FNIP2: variants seen among roughly 807,000 people sequenced by gnomAD.
FNIP2 encodes the protein folliculin interacting protein 2, also known as folliculin-interacting protein 2.
In FNIP2, 32 loss-of-function variants were observed where a neutral mutation model predicts 108.7. The ratio of observed to expected loss-of-function variants is 0.29; its 90% CI spans 0.22 to 0.40. The LOEUF (loss-of-function observed/expected upper bound fraction) is 0.40. Ranked by LOEUF, FNIP2 falls within the 10% of genes least tolerant of loss-of-function variation. The pLI is 1.00. For missense variants in FNIP2, 1,202 were observed against 1,381.6 expected (o/e 0.87, Z 2.06); for synonymous variants, 480 against 496.7 (o/e 0.97, Z 0.45).
intron 1 of FNIP2, among the ~76,000 whole-genome samples, chr4:158,769,784 T>C (rs1477141092): frequency 6.6e-6 from 1 of 152,238 alleles, no homozygotes; most frequent in Non-Finnish European, 1.5e-5. Flanking sequence ...ATCTTTCTTC[T>C]TTCTTGCCAT....
chr4:158,792,677 C>G (rs531005044), intron 1 of FNIP2, among the ~76,000 whole-genome samples: 30 of 152,328 alleles, frequency 2.0e-4, no homozygotes, highest in African/African-American at 7.0e-4. Context: ...GAACCTAACC[C>G]TTTATTTCCC....
chr4:158,853,045 A>T (rs1158755072), intron 8 of FNIP2, among the ~76,000 whole-genome samples: 1 of 152,226 alleles, frequency 6.6e-6, no homozygotes, highest in Non-Finnish European at 1.5e-5. Context: ...AGAATACTTT[A>T]TATGTAAGAT....
intron 7 of FNIP2, among the ~76,000 whole-genome samples, chr4:158,847,838 G>A (rs969109216): frequency 6.6e-6 from 1 of 152,328 alleles, no homozygotes; most frequent in Admixed American, 6.5e-5. Context: ...TGGGCGTTAA[G>A]TGAACATCAC....
chr4:158,858,489 T>C lies in FNIP2; in HGVS notation c.858-568T>C, dbSNP rs1461766477. On this transcript the variant is annotated intron_variant, in intron 8 of 16. Coordinates refer to ENST00000264433, the MANE Select transcript of FNIP2 (RefSeq NM_020840.3). ...GAGTCTCTCAAAAGAATCAGGTTTT[T>C]TGAAAATTTTACTGTAGCAGAAGAG... Among the ~76,000 whole-genome samples the C allele has an allele frequency of 2.0e-5, 3 of 152,218 alleles. No individual in the cohort carries two copies. The South Asian group carries it at 6.2e-4, about 32-fold the overall frequency.
At chr4:158,836,626 C>A (rs1170980624) in intron 7 of FNIP2, 1 of 148,140 alleles carries the variant, frequency 6.8e-6, no homozygotes, top group Non-Finnish European at 1.5e-5. Flanking sequence ...TGGCGAAACT[C>A]CATCTCTACT....
At chr4:158,855,124 G>A (rs1389589243) in intron 8 of FNIP2, among the ~76,000 whole-genome samples, 1 of 152,110 alleles carries the variant, frequency 6.6e-6, no homozygotes, top group Non-Finnish European at 1.5e-5. Flanking sequence ...TTGAGCCCCT[G>A]TCCTTCAGTT....
chr4:158,877,657 G>A (rs1318920201), intron 14 of FNIP2, among the ~76,000 whole-genome samples: 2 of 152,224 alleles, frequency 1.3e-5, no homozygotes, highest in Admixed American at 6.5e-5. Flanking sequence ...GTCACCTGAT[G>A]GGGCAGAGAT....
At chr4:158,838,957 A>T (rs995901150) in intron 7 of FNIP2, among the ~76,000 whole-genome samples, 5 of 152,096 alleles carry the variant, frequency 3.3e-5, no homozygotes, top group African/African-American at 1.2e-4. Context: ...GATTACACTG[A>T]GGTTGTGGGT....
chr4:158,890,195 G>C, intron 14 of FNIP2: 2 of 985,232 alleles, frequency 2.0e-6, no homozygotes, highest in African/African-American at 1.7e-5. Context: ...TTGAACATCA[G>C]ACTTTGCCTG....
chr4:158,877,390 A>T (rs562679979), intron 14 of FNIP2, among the ~76,000 whole-genome samples: 12 of 152,314 alleles, frequency 7.9e-5, no homozygotes, highest in Admixed American at 1.3e-4. Flanking sequence ...ACCTACAAGG[A>T]TCCCTTAGCA....
At chr4:158,790,185 G>C (rs968893057) in intron 1 of FNIP2, among the ~76,000 whole-genome samples, 1 of 151,426 alleles carries the variant, frequency 6.6e-6, no homozygotes, top group Non-Finnish European at 1.5e-5. Flanking sequence ...CTCATAATGT[G>C]TATACAAATA....
intron 1 of FNIP2, among the ~76,000 whole-genome samples, chr4:158,803,313 C>A (rs1031902460): frequency 6.6e-6 from 1 of 152,162 alleles, no homozygotes; most frequent in East Asian, 1.9e-4. Context: ...TATTTAAGAG[C>A]AGGCACCCAG....
At chr4:158,839,473 C>T (rs1247683829) in intron 7 of FNIP2, among the ~76,000 whole-genome samples, 1 of 152,074 alleles carries the variant, frequency 6.6e-6, no homozygotes, top group Non-Finnish European at 1.5e-5. Context: ...ACAAGGGATC[C>T]TCCCTCCTCA....
chr4:158,863,273 C>T (rs1253001911), intron 12 of FNIP2, among the ~76,000 whole-genome samples: 1 of 152,206 alleles, frequency 6.6e-6, no homozygotes, highest in East Asian at 1.9e-4. Context: ...CAGGTAGAAG[C>T]ACTTGCTTTG....
chr4:158,899,966 T>C (rs1366656888), intron 16 of FNIP2, among the ~76,000 whole-genome samples: 1 of 152,250 alleles, frequency 6.6e-6, no homozygotes, highest in Non-Finnish European at 1.5e-5. Context: ...TCTTTCCTGC[T>C]TTCTCTTGTG....
At chr4:158,859,022 G>T (rs755349642) in intron 8 of FNIP2, 35 bp from the exon 9 acceptor site, 1 of 1,596,392 alleles carries the variant, frequency 6.3e-7, no homozygotes. Context: ...ACTCACTGAT[G>T]CATGGCAACT....
rs749939791 is a variant in FNIP2 at position 158,868,392 on chromosome 4, A to G, written c.1756A>G (p.Thr586Ala). 3.1e-6 allele frequency: 5 copies of G among 1,613,902 alleles called. No individual in the cohort carries two copies. The highest frequency in any genetic ancestry group is 2.2e-5 in the East Asian group (1 of 44,902). ...TCTTGTACCCCCCATCCTACCACCA[A>G]CAGCAGCAGAGAGACACAACCCCTG... ...PALVPPILPP[T>A]AAERHNPWPT... Residue 586 changes from threonine (T) to alanine (A), a missense_variant, in exon 13 of 17, where the codon ACA (threonine) becomes GCA (alanine). Transcript: ENST00000264433. This position sits in a 1 kb window ranked among gnomAD's most constrained non-coding sequence, Gnocchi z 4.6.
chr4:158,890,035 T>C (rs1324641172), intron 14 of FNIP2: 7 of 985,260 alleles, frequency 7.1e-6, no homozygotes, highest in Non-Finnish European at 8.4e-6. Flanking sequence ...ATGGGGTCAT[T>C]ATGTGTGTAA....
intron 14 of FNIP2, among the ~76,000 whole-genome samples, chr4:158,881,928 G>T (rs1312898588): frequency 6.6e-6 from 1 of 151,294 alleles, no homozygotes; most frequent in East Asian, 2.0e-4. Flanking sequence ...TGGGATGTGA[G>T]GAGCCCCTCT....
Sources: allele counts gnomAD v4.1 joint callset (sites outside exome capture counted in the v4.1 genomes callset), GRCh38; gene constraint gnomAD v4.1.1; non-coding constraint Gnocchi (gnomAD v3.1); transcripts MANE v1.5; gene names NCBI Gene and HGNC (gene_info 2026-07-23, HGNC 2026-07-21).